Variants in CD2AP observed in about 807,000 individuals in gnomAD.
CD2AP encodes CD2-associated protein.
In CD2AP, 46 loss-of-function variants were observed where a neutral mutation model predicts 85.1. That is an observed-to-expected ratio of 0.54 (90% CI 0.43 to 0.69). The LOEUF (loss-of-function observed/expected upper bound fraction) is 0.69. CD2AP is among the 30% of genes least tolerant of loss of function. CD2AP has a pLI of 0.00. For synonymous variants in CD2AP, 255 were observed against 252.9 expected (o/e 1.01, Z -0.08); for missense variants, 769 against 729.5 (o/e 1.05, Z -0.62).
At chr6:47,483,351 A>G (rs111229815) in intron 1 of CD2AP, among the ~76,000 whole-genome samples, 3 of 152,246 alleles carry the variant, frequency 2.0e-5, no homozygotes, top group Non-Finnish European at 4.4e-5. Context: ...TATGTGGAAC[A>G]GGCCTTTGGG....
At chr6:47,595,721 G>A in intron 11 of CD2AP, 140 bp from the exon 12 acceptor site, 1 of 635,114 alleles carries the variant, frequency 1.6e-6, no homozygotes, top group African/African-American at 1.8e-5. Flanking sequence ...AAGTAAAACA[G>A]TGCACATGTA....
chr6:47,528,713 G>A (rs1009791146), intron 2 of CD2AP, among the ~76,000 whole-genome samples: 1 of 152,112 alleles, frequency 6.6e-6, no homozygotes, highest in Non-Finnish European at 1.5e-5. Context: ...GTCACAAAAA[G>A]GGTCACAAGT....
intron 13 of CD2AP, among the ~76,000 whole-genome samples, chr6:47,601,367 C>G (rs960187542): frequency 6.6e-6 from 1 of 151,910 alleles, no homozygotes; most frequent in Non-Finnish European, 1.5e-5. Flanking sequence ...AGAAAACTAA[C>G]AGCTACTTTC....
At chr6:47,568,347 A>C (rs947365200) in intron 5 of CD2AP, among the ~76,000 whole-genome samples, 12 of 152,228 alleles carry the variant, frequency 7.9e-5, no homozygotes, top group Non-Finnish European at 1.6e-4. Flanking sequence ...GAGCATCCAA[A>C]TGAAGATATT....
chr6:47,554,882 A>T (rs936845869), intron 5 of CD2AP, 116 bp downstream of exon 5: 38 of 1,059,278 alleles, frequency 3.6e-5, no homozygotes, highest in Non-Finnish European at 4.8e-5. Flanking sequence ...GTCAGCTTCA[A>T]TTAGTCTACT....
intron 5 of CD2AP, among the ~76,000 whole-genome samples, chr6:47,560,629 G>A (rs1028033482): frequency 1.3e-5 from 2 of 151,950 alleles, no homozygotes; most frequent in Non-Finnish European, 2.9e-5. Flanking sequence ...GGACTATGGA[G>A]TGACGATGTC....
intron 17 of CD2AP, among the ~76,000 whole-genome samples, chr6:47,623,009 TAA>T (rs2114167608): frequency 6.6e-6 from 1 of 152,338 alleles, no homozygotes; most frequent in Non-Finnish European, 1.5e-5. Flanking sequence ...ATCTTTGGAA[TAA>T]AGACTTTAAT....
At chr6:47,527,529 G>C (rs1277634608) in intron 2 of CD2AP, among the ~76,000 whole-genome samples, 1 of 152,224 alleles carries the variant, frequency 6.6e-6, no homozygotes, top group African/African-American at 2.4e-5. Flanking sequence ...CCTGAAGGAG[G>C]TAAGTTTCAT....
chr6:47,563,709 CTG>C (rs1468449775), intron 5 of CD2AP, among the ~76,000 whole-genome samples: 1 of 152,126 alleles, frequency 6.6e-6, no homozygotes, highest in Admixed American at 6.5e-5. Flanking sequence ...TTTTAGCTCT[CTG>C]TAAGTGCTAC....
rs1767370966 is a variant in CD2AP at position 47,546,600 on chromosome 6, A to G, written c.420+1894A>G. On this transcript the variant is annotated intron_variant, in intron 4 of 17. Coordinates refer to ENST00000359314, the MANE Select transcript of CD2AP (RefSeq NM_012120.3). ...GAAGAGAAATCTAAAAGTTTAAAAA[A>G]CATATTTGGGGGAATAATCAGAAAA... Among the ~76,000 whole-genome samples the G allele has an allele frequency of 2.6e-5, 4 of 152,180 alleles. No homozygotes were observed. In the South Asian group the frequency reaches 8.3e-4, roughly 32 times the overall value.
chr6:47,500,651 A>T (rs1335586383), intron 1 of CD2AP, among the ~76,000 whole-genome samples: 1 of 152,110 alleles, frequency 6.6e-6, no homozygotes, highest in African/African-American at 2.4e-5. Flanking sequence ...TTAATTAAGT[A>T]TCCGCTGTTT....
rs1767209072 is a variant in CD2AP at position 47,541,290 on chromosome 6, A to AT, written c.320-3309dup. On this transcript the variant is annotated intron_variant, in intron 3 of 17. Coordinates refer to ENST00000359314, the MANE Select transcript of CD2AP (RefSeq NM_012120.3). ...AGGCACCCACCACCACGCCCGGCTA[A>AT]TTTTTTTGTATTTTTAGTAGAGATG... is the stretch of plus-strand genomic sequence containing the variant. Among the ~76,000 whole-genome samples the AT allele has an allele frequency of 2.6e-5, 4 of 151,938 alleles. No homozygotes were observed. The South Asian group carries it at 8.3e-4, about 32-fold the overall frequency.
At chr6:47,525,328 GTTAAA>G (rs954912622) in intron 2 of CD2AP, among the ~76,000 whole-genome samples, 2 of 152,084 alleles carry the variant, frequency 1.3e-5, no homozygotes, top group African/African-American at 2.4e-5. Context: ...AATCCTGAAT[GTTAAA>G]TTAAAATAAT....
At chr6:47,587,483 T>G (rs553186515) in intron 11 of CD2AP, among the ~76,000 whole-genome samples, 1 of 152,326 alleles carries the variant, frequency 6.6e-6, no homozygotes, top group African/African-American at 2.4e-5. Context: ...TCAAACCTGC[T>G]TAGCAGTTCT....
intron 4 of CD2AP, among the ~76,000 whole-genome samples, chr6:47,554,019 C>A (rs1767604130): frequency 6.6e-6 from 1 of 151,990 alleles, no homozygotes; most frequent in Non-Finnish European, 1.5e-5. Flanking sequence ...TCCAGTGCCA[C>A]AATTGGGCTC....
At chr6:47,610,638 T>C (rs1769402266) in intron 16 of CD2AP, among the ~76,000 whole-genome samples, 2 of 151,898 alleles carry the variant, frequency 1.3e-5, no homozygotes, top group Admixed American at 1.3e-4. Flanking sequence ...CTTGAATGAC[T>C]ACTTAAAAAT....
At chr6:47,577,932 T>TA (rs1768356834) in intron 8 of CD2AP, among the ~76,000 whole-genome samples, 1 of 152,110 alleles carries the variant, frequency 6.6e-6, no homozygotes, top group African/African-American at 2.4e-5. Context: ...TAATTTTTTT[T>TA]AAAAATAAGT....
At chr6:47,534,379 C>T (rs1766970259) in intron 3 of CD2AP, among the ~76,000 whole-genome samples, 1 of 152,128 alleles carries the variant, frequency 6.6e-6, no homozygotes, top group Admixed American at 6.5e-5. Context: ...GGTAATATTG[C>T]TGTTCTCAAA....
intron 1 of CD2AP, among the ~76,000 whole-genome samples, chr6:47,482,096 A>G (rs1273270264): frequency 6.6e-6 from 1 of 152,224 alleles, no homozygotes. Context: ...AGTAGTTGCA[A>G]ATGGAAATTG....
Sources: allele counts gnomAD v4.1 joint callset (sites outside exome capture counted in the v4.1 genomes callset), GRCh38; gene constraint gnomAD v4.1.1; transcripts MANE v1.5; gene names NCBI Gene and HGNC (gene_info 2026-07-23, HGNC 2026-07-21).